Variants in IMMP2L observed in about 807,000 individuals in gnomAD.
IMMP2L encodes the protein mitochondrial inner membrane protease subunit 2.
In IMMP2L, 18 loss-of-function variants were observed where a neutral mutation model predicts 19.3. The observed-to-expected ratio is 0.93, with a 90% CI of 0.64 to 1.38. The LOEUF (loss-of-function observed/expected upper bound fraction) is 1.38, where lower values mean the gene tolerates loss of function less well. IMMP2L is among the 40% of genes most tolerant of loss of function. IMMP2L has a pLI of 0.00. For missense variants in IMMP2L, 233 were observed against 218.2 expected, an observed-to-expected ratio of 1.07 and a Z score of -0.43; for synonymous variants, 76 against 73.0, an observed-to-expected ratio of 1.04 and a Z score of -0.21.
intron 3 of IMMP2L, among the ~76,000 whole-genome samples, chr7:111,161,007 T>C (rs898793238): frequency 3.3e-5 from 5 of 151,642 alleles, no homozygotes; most frequent in East Asian, 1.9e-4. Context: ...TAAATAGAAA[T>C]ATCTTTATAA....
chr7:111,401,647 TC>T lies in IMMP2L; in HGVS notation c.239+85590del, dbSNP rs1219805382. On this transcript the variant is annotated intron_variant, in intron 3 of 5. Coordinates refer to ENST00000405709, the MANE Select transcript of IMMP2L (RefSeq NM_032549.4). Reference sequence around the variant, plus strand: ...ACTGGTAGTAGACTACTACTTCTGTTCAAGAGGTTCTTTAAATATTCACGAA... The same window carrying T: ...ACTGGTAGTAGACTACTACTTCTGTTAAGAGGTTCTTTAAATATTCACGAA... 2.0e-5 allele frequency among the ~76,000 whole-genome samples: 3 copies of T among 152,246 alleles called. No homozygotes were observed. The East Asian group carries it at 5.8e-4, about 30-fold the overall frequency.
intron 3 of IMMP2L, among the ~76,000 whole-genome samples, chr7:111,218,525 C>T (rs991942504): frequency 4.0e-5 from 6 of 151,512 alleles, no homozygotes; most frequent in East Asian, 1.9e-4. Context: ...GTAAATAAAA[C>T]GTTCCCCATA....
intron 5 of IMMP2L, among the ~76,000 whole-genome samples, chr7:110,751,295 A>T (rs1373940307): frequency 3.3e-5 from 5 of 152,030 alleles, no homozygotes. Context: ...CAGAAAAAAA[A>T]TTTTAAAAAG....
In IMMP2L at chr7:110,727,317, G is replaced by C. The variant is rs1424859792; in HGVS notation, c.409-63596C>G. Among the ~76,000 whole-genome samples the C allele has an allele frequency of 6.6e-6, 1 of 152,150 alleles. No homozygotes were observed. The highest frequency in any genetic ancestry group is 1.5e-5 in the Non-Finnish European group (1 of 68,032). The stretch of plus-strand genomic sequence containing the variant: ...GGGGCAGGAGAAGCACTTGAACCCA[G>C]GAGGTGGAAGTTGCAGTGAGCCGAG... On this transcript the variant is annotated intron_variant, in intron 5 of 5. Coordinates refer to ENST00000405709, the MANE Select transcript of IMMP2L (RefSeq NM_032549.4). The surrounding 1 kb of genome is among the most constrained non-coding windows in gnomAD (Gnocchi z 4.3).
chr7:111,490,827 G>A (rs978410758), intron 2 of IMMP2L, among the ~76,000 whole-genome samples: 1 of 152,070 alleles, frequency 6.6e-6, no homozygotes, highest in African/African-American at 2.4e-5. Flanking sequence ...AATAATAATA[G>A]CCAGACATGT....
intron 5 of IMMP2L, among the ~76,000 whole-genome samples, chr7:110,688,445 T>A (rs1255532245): frequency 6.6e-6 from 1 of 152,140 alleles, no homozygotes; most frequent in Non-Finnish European, 1.5e-5. Flanking sequence ...GCCAATTTAC[T>A]AATTCCTTTA....
chr7:111,089,022 A>G (rs1796587398), intron 3 of IMMP2L, among the ~76,000 whole-genome samples: 1 of 152,178 alleles, frequency 6.6e-6, no homozygotes, highest in African/African-American at 2.4e-5. Context: ...AATATTTTAA[A>G]TTTATCATGT....
intron 5 of IMMP2L, among the ~76,000 whole-genome samples, chr7:110,820,626 T>C (rs1802938780): frequency 6.6e-6 from 1 of 151,802 alleles, no homozygotes; most frequent in Non-Finnish European, 1.5e-5. Context: ...TGATCTAACA[T>C]CTGTAAAGAG....
chr7:111,010,188 C>T (rs1002059172), intron 3 of IMMP2L, among the ~76,000 whole-genome samples: 1 of 152,110 alleles, frequency 6.6e-6, no homozygotes, highest in Non-Finnish European at 1.5e-5. Flanking sequence ...TATCATTCTG[C>T]TTCCTTTCTT....
chr7:110,847,763 C>G (rs1317087803), intron 5 of IMMP2L, among the ~76,000 whole-genome samples: 1 of 152,040 alleles, frequency 6.6e-6, no homozygotes, highest in African/African-American at 2.4e-5. Flanking sequence ...AGGATATAGT[C>G]AACTGATCTT....
intron 3 of IMMP2L, among the ~76,000 whole-genome samples, chr7:111,293,154 C>A (rs999955098): frequency 6.6e-6 from 1 of 151,888 alleles, no homozygotes; most frequent in Non-Finnish European, 1.5e-5. Flanking sequence ...GAAACCAAAC[C>A]CCTGAATTCG....
chr7:111,400,069 G>T (rs1833278317), intron 3 of IMMP2L, among the ~76,000 whole-genome samples: 1 of 152,040 alleles, frequency 6.6e-6, no homozygotes, highest in African/African-American at 2.4e-5. Context: ...TCTCCTGTGT[G>T]TTTTCCAAGA....
chr7:110,723,997 T>C (rs1261531235), intron 5 of IMMP2L, among the ~76,000 whole-genome samples: 2 of 152,154 alleles, frequency 1.3e-5, no homozygotes, highest in Non-Finnish European at 2.9e-5. Context: ...ATATGAATTA[T>C]AAAAGTAAAG....
intron 3 of IMMP2L, among the ~76,000 whole-genome samples, chr7:110,997,836 A>G (rs373065618): frequency 1.3e-5 from 2 of 152,106 alleles, no homozygotes; most frequent in African/African-American, 4.8e-5. Flanking sequence ...ATAAATAATG[A>G]TCAGTATGAA....
intron 5 of IMMP2L, among the ~76,000 whole-genome samples, chr7:110,750,306 C>G (rs1160642347): frequency 6.6e-6 from 1 of 151,954 alleles, no homozygotes; most frequent in Non-Finnish European, 1.5e-5. Flanking sequence ...AAAGACTCAG[C>G]ACTCTGTTTA....
At chr7:110,840,805 TATA>T (rs1370423036) in intron 5 of IMMP2L, among the ~76,000 whole-genome samples, 1 of 152,142 alleles carries the variant, frequency 6.6e-6, no homozygotes, top group East Asian at 1.9e-4. Flanking sequence ...CTCTTTTCTA[TATA>T]ATATTTGTTT....
intron 3 of IMMP2L, among the ~76,000 whole-genome samples, chr7:111,276,172 CT>C (rs1819024651): frequency 6.6e-6 from 1 of 151,972 alleles, no homozygotes; most frequent in African/African-American, 2.4e-5. Flanking sequence ...CTGAATTTTA[CT>C]GAAGGAAATT....
intron 5 of IMMP2L, among the ~76,000 whole-genome samples, chr7:110,734,367 C>T (rs1796476702): frequency 6.6e-6 from 1 of 152,158 alleles, no homozygotes; most frequent in Non-Finnish European, 1.5e-5. Flanking sequence ...CTTGGCTGAA[C>T]TGTTTGTCTC....
chr7:110,796,432 A>G (rs756277923), intron 5 of IMMP2L, among the ~76,000 whole-genome samples: 9 of 151,964 alleles, frequency 5.9e-5, no homozygotes, highest in Non-Finnish European at 1.2e-4. Flanking sequence ...ATGGTATGTT[A>G]TTTTACTATC....
Sources: gnomAD v4.1 joint callset for allele counts (sites outside exome capture counted in the v4.1 genomes callset) on GRCh38, gnomAD v4.1.1 for gene constraint, Gnocchi (gnomAD v3.1) non-coding constraint, MANE v1.5 for transcripts, NCBI Gene and HGNC (gene_info 2026-07-23, HGNC 2026-07-21) for gene names.